HS6ST3: variants seen among roughly 807,000 people sequenced by gnomAD.
The protein encoded by HS6ST3 is heparan-sulfate 6-O-sulfotransferase 3.
Under a neutral mutation model 36.7 loss-of-function variants are expected in HS6ST3, and 12 were observed. The observed-to-expected ratio is 0.33, with a 90% CI of 0.21 to 0.53. The LOEUF is 0.53. Ranked by LOEUF, HS6ST3 falls within the 20% of genes least tolerant of loss-of-function variation. The pLI is 0.95. For synonymous variants in HS6ST3, 240 were observed against 257.5 expected, an observed-to-expected ratio of 0.93 and a Z score of 0.65; for missense variants, 584 against 640.9, an observed-to-expected ratio of 0.91 and a Z score of 0.96.
intron 1 of HS6ST3, among the ~76,000 whole-genome samples, chr13:96,225,930 T>C (rs1417365317): frequency 6.6e-6 from 1 of 152,118 alleles, no homozygotes; most frequent in Non-Finnish European, 1.5e-5. Flanking sequence ...CCTGGGATAG[T>C]AGTATTAGGA....
chr13:96,507,700 C>T (rs560698212), intron 1 of HS6ST3, among the ~76,000 whole-genome samples: 11 of 151,918 alleles, frequency 7.2e-5, no homozygotes, highest in Admixed American at 1.3e-4. Flanking sequence ...AAAGGCTACG[C>T]GCATCTTAAA....
chr13:96,580,197 T>C (rs1461433438), intron 1 of HS6ST3, among the ~76,000 whole-genome samples: 1 of 1,468 alleles, frequency 6.8e-4, no homozygotes, highest in Non-Finnish European at 2.6e-3. Flanking sequence ...TCCAGACATA[T>C]ATATATATAT....
At chr13:96,181,036 T>G (rs1162933063) in intron 1 of HS6ST3, among the ~76,000 whole-genome samples, 3 of 152,224 alleles carry the variant, frequency 2.0e-5, no homozygotes, top group African/African-American at 7.2e-5. Context: ...ATAATATTAA[T>G]GTTCTGTTAT....
chr13:96,595,940 A>C (rs576159272), intron 1 of HS6ST3, among the ~76,000 whole-genome samples: 1 of 152,028 alleles, frequency 6.6e-6, no homozygotes, highest in Non-Finnish European at 1.5e-5. Flanking sequence ...GTTTTGAATT[A>C]AAACAATTTT....
At chr13:96,725,402 A>G (rs1394396261) in intron 1 of HS6ST3, among the ~76,000 whole-genome samples, 11 of 152,120 alleles carry the variant, frequency 7.2e-5, no homozygotes, top group African/African-American at 2.7e-4. Context: ...TTTTTCTTTT[A>G]TGGATTGTAA....
At chr13:96,372,706 A>G (rs529433817) in intron 1 of HS6ST3, among the ~76,000 whole-genome samples, 28 of 152,276 alleles carry the variant, frequency 1.8e-4, no homozygotes, top group African/African-American at 6.7e-4. Context: ...CATGTGAGAT[A>G]AAGATCCATT....
At chr13:96,481,023 CTATT>C (rs1027449272) in intron 1 of HS6ST3, among the ~76,000 whole-genome samples, 5 of 152,174 alleles carry the variant, frequency 3.3e-5, no homozygotes, top group Non-Finnish European at 7.4e-5. Context: ...AATATTTTCT[CTATT>C]TAAAAGCCTT....
intron 1 of HS6ST3, among the ~76,000 whole-genome samples, chr13:96,184,571 C>A (rs2054256873): frequency 4.6e-5 from 7 of 152,104 alleles, no homozygotes; most frequent in Admixed American, 4.6e-4. Context: ...CCTGCCTGTT[C>A]TTCAATCATG....
chr13:96,223,168 A>G (rs1181138018), intron 1 of HS6ST3, among the ~76,000 whole-genome samples: 7 of 152,214 alleles, frequency 4.6e-5, no homozygotes, highest in African/African-American at 1.7e-4. Context: ...TTTCAGTATT[A>G]GTATGTTAGC....
intron 1 of HS6ST3, among the ~76,000 whole-genome samples, chr13:96,672,853 G>A (rs983582966): frequency 6.6e-6 from 1 of 152,104 alleles, no homozygotes; most frequent in African/African-American, 2.4e-5. Context: ...TTTCTAATGA[G>A]ACTCTTGGTT....
At chr13:96,552,720 G>A (rs1022048832) in intron 1 of HS6ST3, among the ~76,000 whole-genome samples, 1 of 152,162 alleles carries the variant, frequency 6.6e-6, no homozygotes, top group Non-Finnish European at 1.5e-5. Flanking sequence ...TTGGCATCAA[G>A]GGCTACTTCA....
chr13:96,608,463 C>G (rs889612923), intron 1 of HS6ST3, among the ~76,000 whole-genome samples: 1 of 152,178 alleles, frequency 6.6e-6, no homozygotes, highest in African/African-American at 2.4e-5. Context: ...AAAGATTAAA[C>G]TTGAGTCTGA....
At chr13:96,809,490 A>C (rs1383052421) in intron 1 of HS6ST3, among the ~76,000 whole-genome samples, 1 of 152,228 alleles carries the variant, frequency 6.6e-6, no homozygotes, top group East Asian at 1.9e-4. Flanking sequence ...ATATTAACAA[A>C]CACAGAGCCC....
chr13:96,580,193 CATATATATATATATATATATAT>C (rs3051282), intron 1 of HS6ST3, among the ~76,000 whole-genome samples: 3 of 140,530 alleles, frequency 2.1e-5, no homozygotes, highest in Non-Finnish European at 4.6e-5. Context: ...CCCATCCAGA[CATATATATATATATATATATAT>C]ATATATATAT....
intron 1 of HS6ST3, among the ~76,000 whole-genome samples, chr13:96,389,280 C>T (rs2055384147): frequency 6.6e-6 from 1 of 152,032 alleles, no homozygotes; most frequent in Non-Finnish European, 1.5e-5. Flanking sequence ...AAAAAAGTAA[C>T]TTGTGAGATG....
rs992058547 is a variant in HS6ST3 at position 96,388,951 on chromosome 13, C to A, written c.707+297382C>A. Among the ~76,000 whole-genome samples, 18 of 152,284 alleles carry A rather than the reference C, an allele frequency of 1.2e-4. No individual in the cohort carries two copies. The East Asian group carries it at 2.3e-3, about 20-fold the overall frequency. ...TTAAGTTACCCAGTCTCAGGTACTTCTTCATAGTGCTGTGAGAATGGACAT... is the reference window on the plus strand; with the variant it reads ...TTAAGTTACCCAGTCTCAGGTACTTATTCATAGTGCTGTGAGAATGGACAT... On this transcript the variant is annotated intron_variant, in intron 1 of 1. Transcript: ENST00000376705.
chr13:96,790,583 T>A (rs1461160153), intron 1 of HS6ST3, among the ~76,000 whole-genome samples: 1 of 152,080 alleles, frequency 6.6e-6, no homozygotes, highest in African/African-American at 2.4e-5. Flanking sequence ...TTTTTAAGTT[T>A]CTACTGCATG....
At chr13:96,432,673 A>G (rs1409994406) in intron 1 of HS6ST3, among the ~76,000 whole-genome samples, 1 of 152,246 alleles carries the variant, frequency 6.6e-6, no homozygotes, top group Non-Finnish European at 1.5e-5. Flanking sequence ...TTCTTATACT[A>G]AATGTTCCTT....
rs376080384 is a variant in HS6ST3 at position 96,724,041 on chromosome 13, C to T, written c.708-108449C>T. ...AAGTTTTCTCTTTATTGCTTTATTT[C>T]CCTCTTGGGATCATATTCTTCGTCC... On this transcript the variant is annotated intron_variant, in intron 1 of 1. Transcript: ENST00000376705. Among the ~76,000 whole-genome samples the T allele has an allele frequency of 2.0e-5, 3 of 152,076 alleles. No individual in the cohort carries two copies. In the South Asian group the frequency reaches 6.2e-4, roughly 32 times the overall value.
Sources: gnomAD v4.1 joint callset for allele counts (sites outside exome capture counted in the v4.1 genomes callset) on GRCh38, gnomAD v4.1.1 for gene constraint, MANE v1.5 for transcripts, NCBI Gene and HGNC (gene_info 2026-07-23, HGNC 2026-07-21) for gene names.